Variants in CYP3A4 observed in about 807,000 individuals in gnomAD.
The protein encoded by CYP3A4 is cytochrome P450 family 3 subfamily A member 4.
In CYP3A4, 41 loss-of-function variants were observed where a neutral mutation model predicts 54.9. The ratio of observed to expected loss-of-function variants is 0.75; its 90% CI spans 0.58 to 0.97. CYP3A4 has a LOEUF of 0.97. Among genes scored for constraint, CYP3A4 ranks in the 50% least tolerant of loss-of-function variants. The pLI, the probability that CYP3A4 is intolerant of heterozygous loss-of-function variation, is 0.00. For synonymous variants in CYP3A4, 179 were observed against 205.2 expected, an observed-to-expected ratio of 0.87 and a Z score of 1.09; for missense variants, 510 against 597.3, an observed-to-expected ratio of 0.85 and a Z score of 1.52.
At chr7:99,776,764 C>T (rs558834688) in intron 3 of CYP3A4, among the ~76,000 whole-genome samples, 1 of 152,200 alleles carries the variant, frequency 6.6e-6, no homozygotes, top group South Asian at 2.1e-4. Flanking sequence ...ATGGGTGCAG[C>T]AAACCACCAT....
In CYP3A4 at chr7:99,770,150, G is replaced by A. The variant is rs1483230173; in HGVS notation, c.404C>T (p.Pro135Leu). The change falls in exon 5 of 13, where the codon CCA becomes CTA. Residue 135 changes from proline (P) to leucine (L), a missense_variant. Transcript: ENST00000651514. The part of the protein sequence containing the change: ...EWKRLRSLLS[P>L]TFTSGKLKEM... Reference sequence around the variant, plus strand: ...CTTGAGTTTTCCACTGGTGAAGGTTGGAGACAGCAATGATCGTAATCTCTT... The same window carrying A: ...CTTGAGTTTTCCACTGGTGAAGGTTAGAGACAGCAATGATCGTAATCTCTT... The A allele has an allele frequency of 4.3e-6, 7 of 1,613,386 alleles. No homozygotes were observed. Among genetic ancestry groups the A allele is most frequent in the Non-Finnish European group, 5.1e-6 (6 of 1,179,604 alleles).
rs1396501606 is a variant in CYP3A4 at position 99,769,772 on chromosome 7, T to C, written c.517A>G (p.Lys173Glu). The C allele has an allele frequency of 1.2e-6, 2 of 1,613,914 alleles. No homozygotes were observed. Among genetic ancestry groups the C allele is most frequent in the Non-Finnish European group, 1.7e-6 (2 of 1,179,856 alleles). The change falls in exon 6 of 13, where the codon AAA (lysine) becomes GAA (glutamate). Residue 173 changes from lysine to glutamate, a missense_variant. Around this residue, in one of 2 missense-constraint regions of CYP3A4, gnomAD observed 272 missense variants for 274.9 expected, o/e 0.99. Transcript: ENST00000651514. ...CATGGCTGCGCTTCTACTTACTCTT[T>C]CAAGGTGACAGGCTTGCCTGTCTCT... ...EAETGKPVTL[K>E]DVFGAYSMDV...
Position 99,768,428 on chromosome 7 carries a change from G to A in CYP3A4, c.596C>T (p.Pro199Leu). 1 of 1,614,056 alleles carries A rather than the reference G, an allele frequency of 6.2e-7. No homozygotes were observed. Among genetic ancestry groups the A allele is most frequent in the Non-Finnish European group, 8.5e-7 (1 of 1,179,954 alleles). The stretch of plus-strand genomic sequence containing the variant: ...GGTGTTTTCCACAAAGGGGTCTTGT[G>A]GATTGTTGAGAGAGTCGATGTTCAC... ...FGVNIDSLNN[P>L]QDPFVENTKK... The change falls in exon 7 of 13, where the codon CCA becomes CTA. Residue 199 changes from proline to leucine, a missense_variant. Around this residue, in one of 2 missense-constraint regions of CYP3A4, gnomAD observed 272 missense variants for 274.9 expected, o/e 0.99. Coordinates refer to ENST00000651514, the MANE Select transcript of CYP3A4 (RefSeq NM_017460.6).
At position 99,774,048 on chromosome 7, in the gene CYP3A4, G is replaced by T. The variant is rs1563043903; in HGVS notation, c.219-1359C>A. Among the ~76,000 whole-genome samples, 4 of 152,174 alleles carry T rather than the reference G, an allele frequency of 2.6e-5. No homozygotes were observed. In the South Asian group the frequency reaches 8.3e-4, roughly 32 times the overall value. On this transcript the variant is annotated intron_variant, in intron 3 of 12. Coordinates refer to ENST00000651514, the MANE Select transcript of CYP3A4 (RefSeq NM_017460.6). ...CCCACAGAAATGCAAATTACCATCA[G>T]AGAATACTATAAACACCTCTATGCA...
At chr7:99,768,307 A>AT in intron 7 of CYP3A4, 47 bp downstream of exon 7, 1 of 1,578,728 alleles carries the variant, frequency 6.3e-7, no homozygotes, top group Non-Finnish European at 8.7e-7. Context: ...TAAAGCAGTT[A>AT]TTTTTAAGAG....
chr7:99,765,727 A>G (rs1563040837), intron 9 of CYP3A4, among the ~76,000 whole-genome samples: 2 of 152,198 alleles, frequency 1.3e-5, no homozygotes, highest in Non-Finnish European at 2.9e-5. Context: ...TGACTTCAGT[A>G]AAAAACATAC....
At position 99,772,660 on chromosome 7, in the gene CYP3A4, G is replaced by A; in HGVS notation, c.248C>T (p.Ala83Val). ...TTTGATCATGTCAGGATCTGTGATAGCCAGCACAGGCTGTTGACCATCATA... is the reference window on the plus strand; with the variant it reads ...TTTGATCATGTCAGGATCTGTGATAACCAGCACAGGCTGTTGACCATCATA... Reference protein sequence around the residue: ...GFYDGQQPVLAITDPDMIKTV... With the variant: ...GFYDGQQPVLVITDPDMIKTV... Residue 83 changes from alanine to valine, a missense_variant, in exon 4 of 13, where the codon GCT becomes GTT. By Grantham distance (64) the Ala-to-Val change is moderately conservative (BLOSUM62 0). Coordinates refer to ENST00000651514, the MANE Select transcript of CYP3A4 (RefSeq NM_017460.6). 2 of 1,613,308 alleles carry A rather than the reference G, an allele frequency of 1.2e-6. No individual in the cohort carries two copies. Among genetic ancestry groups the A allele is most frequent in the Non-Finnish European group, 1.7e-6 (2 of 1,179,444 alleles).
At chr7:99,782,452 T>C (rs1271732641) in intron 1 of CYP3A4, among the ~76,000 whole-genome samples, 1 of 152,174 alleles carries the variant, frequency 6.6e-6, no homozygotes, top group Non-Finnish European at 1.5e-5. Context: ...TTCTGACTCC[T>C]GGGCTGCATC....
intron 8 of CYP3A4, 175 bp from the exon 9 acceptor site, chr7:99,766,618 C>A: frequency 2.6e-6 from 2 of 777,180 alleles, no homozygotes; most frequent in Non-Finnish European, 4.0e-6. Context: ...CCTTGGAAAG[C>A]AGGATGTTTT....
At chr7:99,771,891 A>G (rs185266593) in intron 4 of CYP3A4, among the ~76,000 whole-genome samples, 3 of 152,318 alleles carry the variant, frequency 2.0e-5, no homozygotes, top group Admixed American at 2.0e-4. Flanking sequence ...AAGCCACAAA[A>G]AAAATGAACC....
At chr7:99,767,091 A>G in intron 8 of CYP3A4, 40 bp downstream of exon 8, 3 of 1,590,362 alleles carry the variant, frequency 1.9e-6, no homozygotes, top group Non-Finnish European at 2.6e-6. Context: ...AAAAATTATG[A>G]AAAACTAAAC....
intron 3 of CYP3A4, among the ~76,000 whole-genome samples, chr7:99,773,449 A>C (rs563850263): frequency 6.6e-6 from 1 of 152,324 alleles, no homozygotes; most frequent in South Asian, 2.1e-4. Context: ...ATTGGAAGTA[A>C]TATACTCCTC....
chr7:99,779,134 C>T (rs1490982788), intron 2 of CYP3A4, among the ~76,000 whole-genome samples: 1 of 152,090 alleles, frequency 6.6e-6, no homozygotes, highest in Non-Finnish European at 1.5e-5. Flanking sequence ...GTCCACGTGG[C>T]ACATATTATA....
intron 3 of CYP3A4, among the ~76,000 whole-genome samples, chr7:99,776,698 G>T (rs189177615): frequency 2.5e-4 from 38 of 152,226 alleles, no homozygotes; most frequent in Admixed American, 2.3e-3. Context: ...GTTGTTGGGT[G>T]GGGGGCTAGG....
rs767779000 is a variant in CYP3A4, at chr7:99,760,694, T to C, written c.1416+125A>G. On this transcript the variant is annotated intron_variant, in intron 12 of 12. Transcript: ENST00000651514. Reference sequence around the variant, plus strand: ...CCTTAAAGATCACAGATGGGCCTAATTGATTCTTTGGCCCAGAGAACAAAT... The same window carrying C: ...CCTTAAAGATCACAGATGGGCCTAACTGATTCTTTGGCCCAGAGAACAAAT... 1.1e-5 allele frequency: 14 copies of C among 1,290,988 alleles called. No individual in the cohort carries two copies. The South Asian group carries it at 1.8e-4, about 16-fold the overall frequency. The allele number at this position is 1,290,988 out of a possible 1,614,324, so 80.0% of individuals were successfully genotyped here. A position where few individuals can be genotyped will look rare whatever the true frequency, so the allele number is the denominator to read the frequency against.
At chr7:99,759,465 GT>G (rs72258732) in intron 12 of CYP3A4, among the ~76,000 whole-genome samples, 6,818 of 152,184 alleles carry the variant, frequency 0.045, 463 homozygotes, top group East Asian at 0.26. Context: ...AATGGCATTT[GT>G]TTAAAGGTTC....
chr7:99,766,328 C>T (rs769942952), intron 9 of CYP3A4, 49 bp downstream of exon 9: 9 of 1,596,498 alleles, frequency 5.6e-6, no homozygotes, highest in Non-Finnish European at 7.7e-6. Context: ...CAGAACAAGG[C>T]CTTCCCTCTG....
intron 9 of CYP3A4, among the ~76,000 whole-genome samples, chr7:99,765,873 C>G (rs1815465147): frequency 6.6e-6 from 1 of 152,190 alleles, no homozygotes; most frequent in South Asian, 2.1e-4. Flanking sequence ...GGTGAACACA[C>G]TTTCAACAAG....
chr7:99,778,135 G>A, intron 2 of CYP3A4, 55 bp from the exon 3 acceptor site: 3 of 1,412,818 alleles, frequency 2.1e-6, no homozygotes, highest in Non-Finnish European at 3.0e-6. Flanking sequence ...ACTTAACCCT[G>A]CCTCTAATTG....
Sources: gnomAD v4.1 joint callset for allele counts (sites outside exome capture counted in the v4.1 genomes callset) on GRCh38, gnomAD v4.1.1 for gene constraint, gnomAD v4.1.1 regional missense constraint, MANE v1.5 for transcripts, NCBI Gene and HGNC (gene_info 2026-07-23, HGNC 2026-07-21) for gene names.